The following PCDHGA6 variants were observed in gnomAD, a reference collection of about 807,000 sequenced individuals.
The protein encoded by PCDHGA6 is protocadherin gamma-A6.
In PCDHGA6, 41 loss-of-function variants were observed where a neutral mutation model predicts 60.6. The ratio of observed to expected loss-of-function variants is 0.68; its 90% CI spans 0.53 to 0.88. The LOEUF (loss-of-function observed/expected upper bound fraction) is 0.88, where lower values mean the gene tolerates loss of function less well. Ranked by LOEUF, PCDHGA6 falls within the 40% of genes least tolerant of loss-of-function variation. PCDHGA6 has a pLI of 0.00. For synonymous variants in PCDHGA6, 594 were observed against 524.4 expected (o/e 1.13, Z -1.81); for missense variants, 1,312 against 1,203.0 (o/e 1.09, Z -1.34).
chr5:141,452,587 A>G (rs1171400700), intron 1 of PCDHGA6, among the ~76,000 whole-genome samples: 1 of 151,948 alleles, frequency 6.6e-6, no homozygotes, highest in Non-Finnish European at 1.5e-5. Context: ...CCATCTTTGT[A>G]TTTTTATTTT....
chr5:141,404,271 T>A, intron 1 of PCDHGA6: 1 of 1,614,000 alleles, frequency 6.2e-7, no homozygotes, highest in Non-Finnish European at 8.5e-7. Flanking sequence ...CACATCACCC[T>A]GCAAGTGACT....
chr5:141,433,208 C>CTTT, intron 1 of PCDHGA6: 2 of 1,293,022 alleles, frequency 1.5e-6, no homozygotes, highest in Non-Finnish European at 2.1e-6. Context: ...AATCTTCTTT[C>CTTT]TTTTTTTTTT....
At chr5:141,451,892 A>C (rs1215224398) in intron 1 of PCDHGA6, among the ~76,000 whole-genome samples, 2 of 152,114 alleles carry the variant, frequency 1.3e-5, no homozygotes, top group Non-Finnish European at 2.9e-5. Context: ...AAAGAAAGGA[A>C]GGAACAAGGG....
At chr5:141,382,541 T>G (rs1388934219) in intron 1 of PCDHGA6, among the ~76,000 whole-genome samples, 2 of 152,224 alleles carry the variant, frequency 1.3e-5, no homozygotes, top group African/African-American at 4.8e-5. Context: ...GATTTTTAAT[T>G]ATCAGGGATA....
Position 141,485,855 on chromosome 5 carries a change from C to A in PCDHGA6, c.2425-8952C>A. ...CCCGCCGAGATCTGGCACCGCAGAG[C>A]TCCGGGTATCCGTGCTGGACGTAAA... On this transcript the variant is annotated intron_variant, in intron 1 of 3. Transcript: ENST00000517434. The surrounding 1 kb of genome is among the most constrained non-coding windows in gnomAD (Gnocchi z 5.7). 6.2e-7 allele frequency: 1 copy of A among 1,614,196 alleles called. No homozygotes were observed. Among genetic ancestry groups the A allele is most frequent in the Non-Finnish European group, 8.5e-7 (1 of 1,180,036 alleles).
In PCDHGA6 at chr5:141,491,786, C is replaced by T; in HGVS notation, c.2425-3021C>T. The stretch of plus-strand genomic sequence containing the variant: ...CCTCATAAGGGATTGAACTTGCATC[C>T]ACTCCTCTCCGGCCGGCTTGGTCGC... On this transcript the variant is annotated intron_variant, in intron 1 of 3. Coordinates refer to ENST00000517434, the MANE Select transcript of PCDHGA6 (RefSeq NM_018919.3). This position sits in a 1 kb window ranked among gnomAD's most constrained non-coding sequence, Gnocchi z 6.9. The T allele has an allele frequency of 1.3e-6, 2 of 1,529,640 alleles. No individual in the cohort carries two copies. The highest frequency in any genetic ancestry group is 2.5e-5 in the South Asian group (2 of 80,832). The allele number at this position is 1,529,640 out of a possible 1,614,324, so 94.8% of individuals were successfully genotyped here.
intron 1 of PCDHGA6, chr5:141,383,630 T>C: frequency 6.2e-7 from 1 of 1,613,986 alleles, no homozygotes; most frequent in Non-Finnish European, 8.5e-7. Context: ...GTCTTCTCTC[T>C]GCCTCAGTAC....
rs768074414 is a variant in PCDHGA6 at position 141,477,293 on chromosome 5, C to T, written c.2425-17514C>T. 8.1e-6 allele frequency: 13 copies of T among 1,614,180 alleles called. No homozygotes were observed. The highest frequency in any genetic ancestry group is 1.1e-5 in the Non-Finnish European group (13 of 1,180,036). ...CGGGCTGGTGACCTGCGAAGTTCCA[C>T]CGGGTCTCCCTTTCAGCCTTACTTC... On this transcript the variant is annotated intron_variant, in intron 1 of 3. Coordinates refer to ENST00000517434, the MANE Select transcript of PCDHGA6 (RefSeq NM_018919.3). This position sits in a 1 kb window ranked among gnomAD's most constrained non-coding sequence, Gnocchi z 4.9.
Position 141,490,869 on chromosome 5 carries a change from A to AT in PCDHGA6, c.2425-3936dup. 1.2e-6 allele frequency: 2 copies of AT among 1,613,902 alleles called. No individual in the cohort carries two copies. Among genetic ancestry groups the AT allele is most frequent in the Non-Finnish European group, 8.5e-7 (1 of 1,179,954 alleles). ...GGGTTCGAGACTCCGGCTCTCCCCC[A>AT]TTGCATGCCAACACATCTCTGCATG... On this transcript the variant is annotated intron_variant, in intron 1 of 3. Coordinates refer to ENST00000517434, the MANE Select transcript of PCDHGA6 (RefSeq NM_018919.3). This position sits in a 1 kb window ranked among gnomAD's most constrained non-coding sequence, Gnocchi z 5.4.
At chr5:141,443,447 C>T (rs1267862519) in intron 1 of PCDHGA6, among the ~76,000 whole-genome samples, 1 of 152,184 alleles carries the variant, frequency 6.6e-6, no homozygotes, top group African/African-American at 2.4e-5. Flanking sequence ...GGTTGCGCTC[C>T]TGTACTCCAG....
rs755462760 is a variant in PCDHGA6, at chr5:141,393,015, T to A, written c.2424+16508T>A. On this transcript the variant is annotated intron_variant, in intron 1 of 3. Coordinates refer to ENST00000517434, the MANE Select transcript of PCDHGA6 (RefSeq NM_018919.3). ...GGCGAAGCACGGAGTCCGTATCGTC[T>A]CCAGAGGTAGGACGCAGCTCTTTGC... The A allele has an allele frequency of 1.6e-5, 26 of 1,613,696 alleles. No individual in the cohort carries two copies. The highest frequency in any genetic ancestry group is 1.9e-5 in the Non-Finnish European group (22 of 1,179,874).
At chr5:141,382,161 G>A (rs539029748) in intron 1 of PCDHGA6, among the ~76,000 whole-genome samples, 2 of 151,904 alleles carry the variant, frequency 1.3e-5, no homozygotes, top group Admixed American at 6.6e-5. Flanking sequence ...TAAAATGAAG[G>A]TGTTAGACCG....
intron 1 of PCDHGA6, among the ~76,000 whole-genome samples, chr5:141,386,272 C>T (rs997122540): frequency 1.3e-5 from 2 of 152,150 alleles, no homozygotes; most frequent in African/African-American, 2.4e-5. Context: ...TAACTACTTC[C>T]ATATTCTTTT....
chr5:141,464,138 G>A (rs62379197), intron 1 of PCDHGA6, among the ~76,000 whole-genome samples: 42,814 of 151,688 alleles, frequency 0.28, 6,814 homozygotes, highest in African/African-American at 0.44. Context: ...GGTGGTGGGC[G>A]CCTGTAGTCC....
Position 141,374,117 on chromosome 5 carries a change from G to C in PCDHGA6, c.34G>C (p.Glu12Gln). Reference protein sequence around the residue: ...APPQRHPQRSEQVLLLTLLGT... With the variant: ...APPQRHPQRSQQVLLLTLLGT... ...TCCGCAGAGGCATCCGCAGCGCAGC[G>C]AGCAGGTCCTGCTCCTCACGCTCCT... Residue 12 changes from glutamate (E) to glutamine (Q), a missense_variant, in exon 1 of 4, where the codon GAG becomes CAG. Coordinates refer to ENST00000517434, the MANE Select transcript of PCDHGA6 (RefSeq NM_018919.3). 1.3e-6 allele frequency: 2 copies of C among 1,587,566 alleles called. No individual in the cohort carries two copies. Among genetic ancestry groups the C allele is most frequent in the Non-Finnish European group, 1.7e-6 (2 of 1,164,460 alleles).
chr5:141,386,941 C>A (rs1391826060), intron 1 of PCDHGA6, among the ~76,000 whole-genome samples: 1 of 152,212 alleles, frequency 6.6e-6, no homozygotes, highest in Non-Finnish European at 1.5e-5. Context: ...AGGTAGGAAG[C>A]AGTGCTTCAG....
chr5:141,384,973 T>C, intron 1 of PCDHGA6: 1 of 1,613,956 alleles, frequency 6.2e-7, no homozygotes, highest in Non-Finnish European at 8.5e-7. Flanking sequence ...CCTCACGTTG[T>C]ACCTGGTGGT....
Position 141,427,885 on chromosome 5 carries a change from ACCAGGGCTCGC to A in PCDHGA6, c.2424+51381_2424+51391del, listed in dbSNP as rs772694818. 4 of 1,565,134 alleles carry A rather than the reference ACCAGGGCTCGC, an allele frequency of 2.6e-6. No homozygotes were observed. In the East Asian group the frequency reaches 6.7e-5, roughly 26 times the overall value. ...TTCGAGCTCACGATGCAGGCCCACGACCAGGGCTCGCCCGCGCTCAGCGCCAACATGAGCCG... is the reference window on the plus strand; with the variant it reads ...TTCGAGCTCACGATGCAGGCCCACGACCGCGCTCAGCGCCAACATGAGCCG... On this transcript the variant is annotated intron_variant, in intron 1 of 3. Coordinates refer to ENST00000517434, the MANE Select transcript of PCDHGA6 (RefSeq NM_018919.3).
intron 1 of PCDHGA6, among the ~76,000 whole-genome samples, chr5:141,482,104 AAT>A (rs1452930297): frequency 2.7e-5 from 4 of 150,286 alleles, no homozygotes; most frequent in Non-Finnish European, 5.9e-5. Context: ...AAAAAAAAAA[AAT>A]ATCTAGAGAT....
Sources: allele counts gnomAD v4.1 joint callset (sites outside exome capture counted in the v4.1 genomes callset), GRCh38; gene constraint gnomAD v4.1.1; non-coding constraint Gnocchi (gnomAD v3.1); transcripts MANE v1.5; gene names NCBI Gene and HGNC (gene_info 2026-07-23, HGNC 2026-07-21).